Variants in SLC14A2 observed in about 807,000 individuals in gnomAD.
The protein encoded by SLC14A2 is solute carrier family 14 member 2.
SLC14A2 carries 91 observed loss-of-function variants against 104.6 expected under a neutral mutation model. The ratio of observed to expected loss-of-function variants is 0.87; its 90% confidence interval spans 0.73 to 1.04. The LOEUF is 1.04. Among genes scored for constraint, SLC14A2 ranks in the 50% least tolerant of loss-of-function variants. The pLI is 0.00. For synonymous variants in SLC14A2, 476 were observed against 466.4 expected, an observed-to-expected ratio of 1.02 and a Z score of -0.27; for missense variants, 1,189 against 1,156.0, an observed-to-expected ratio of 1.03 and a Z score of -0.41.
At chr18:45,173,249 C>A in the SLC14A2 span, among the ~76,000 whole-genome samples, 1 of 151,946 alleles carries the variant, frequency 6.6e-6, no homozygotes, top group Non-Finnish European at 1.5e-5. Flanking sequence ...ATTCTGTGAT[C>A]AGAAATACAA....
chr18:45,574,753 AAATTCTCAG>A (rs1281257002), intron 2 of SLC14A2, among the ~76,000 whole-genome samples: 1 of 152,232 alleles, frequency 6.6e-6, no homozygotes, highest in Non-Finnish European at 1.5e-5. Flanking sequence ...TTTGAATTTC[AAATTCTCAG>A]AATTCTCAGC....
intron 1 of SLC14A2, among the ~76,000 whole-genome samples, chr18:45,338,328 T>TTA (rs1450210698): frequency 6.6e-6 from 1 of 151,822 alleles, no homozygotes; most frequent in Non-Finnish European, 1.5e-5. Flanking sequence ...AGCCTCCCGA[T>TTA]TAGCTGGGAC....
intron 1 of SLC14A2, among the ~76,000 whole-genome samples, chr18:45,406,162 A>G (rs1598765301): frequency 6.6e-6 from 1 of 152,318 alleles, no homozygotes; most frequent in Middle Eastern, 3.4e-3. Context: ...ATTCTCTAAA[A>G]CCCTGCCACT....
chr18:45,304,202 G>A (rs904363716), intron 1 of SLC14A2, among the ~76,000 whole-genome samples: 1 of 152,112 alleles, frequency 6.6e-6, no homozygotes, highest in Non-Finnish European at 1.5e-5. Flanking sequence ...AGGCAACCGG[G>A]AGTATGCAAA....
intron 1 of SLC14A2, among the ~76,000 whole-genome samples, chr18:45,399,388 C>A (rs1477907527): frequency 6.6e-6 from 1 of 152,164 alleles, no homozygotes; most frequent in Non-Finnish European, 1.5e-5. Flanking sequence ...AGGAATGCAG[C>A]CCTTGAAGCC....
rs187591179 is a variant in SLC14A2, at chr18:45,544,859, C to T, written c.-35+61537C>T. On this transcript the variant is annotated intron_variant, in intron 2 of 20. Transcript: ENST00000586448. ...CCAGGCTGGAGTGCAGTGGCACAAT[C>T]GCGGCTCACTGCAACCTCCGCCCCA... Among the ~76,000 whole-genome samples, 67 of 137,076 alleles carry T rather than the reference C, an allele frequency of 4.9e-4. 1 individual carries two copies. The East Asian group carries it at 0.014, about 30-fold the overall frequency. The allele number at this position is 137,076 out of a possible 152,430, so 89.9% of individuals were successfully genotyped here. A position where few individuals can be genotyped will look rare whatever the true frequency, so the allele number is the denominator to read the frequency against.
At chr18:45,506,431 T>C (rs1397328981) in intron 2 of SLC14A2, among the ~76,000 whole-genome samples, 2 of 151,848 alleles carry the variant, frequency 1.3e-5, no homozygotes, top group Non-Finnish European at 2.9e-5. Context: ...ATCAAAAAAA[T>C]AGTTCTACAC....
At chr18:45,344,771 T>C (rs567023325) in intron 1 of SLC14A2, among the ~76,000 whole-genome samples, 52 of 152,318 alleles carry the variant, frequency 3.4e-4, no homozygotes, top group African/African-American at 7.2e-4. Context: ...GTGGCATTAC[T>C]GCATCCCAAG....
At chr18:45,674,160 G>T (rs550613978) in intron 18 of SLC14A2, among the ~76,000 whole-genome samples, 2 of 152,252 alleles carry the variant, frequency 1.3e-5, no homozygotes, top group East Asian at 3.9e-4. Flanking sequence ...ACTCCTCTTT[G>T]TTATATATTT....
chr18:45,576,353 G>T (rs770602858), intron 2 of SLC14A2, among the ~76,000 whole-genome samples: 1 of 142,658 alleles, frequency 7.0e-6, no homozygotes, highest in South Asian at 2.3e-4. Flanking sequence ...GCGCGATCTC[G>T]GCTCACTGTA....
chr18:45,478,946 C>T (rs2087440482), intron 1 of SLC14A2, among the ~76,000 whole-genome samples: 1 of 152,210 alleles, frequency 6.6e-6, no homozygotes, highest in East Asian at 1.9e-4. Context: ...TACAGGCAGC[C>T]ATTCACCTTA....
At chr18:45,359,939 T>TAAGTGAGTTTG (rs2085594398) in intron 1 of SLC14A2, among the ~76,000 whole-genome samples, 1 of 152,220 alleles carries the variant, frequency 6.6e-6, no homozygotes, top group South Asian at 2.1e-4. Context: ...CAAGTCTCCC[T>TAAGTGAGTTTG]GATTTCCAAA....
chr18:45,682,415 A>G lies in SLC14A2; in HGVS notation c.2659A>G (p.Ser887Gly). ...NNPAIYKLPL[S>G]KVTYPEANRI... is the part of the protein sequence containing the mutation. ...CCCCGCCATCTACAAGCTCCCGCTC[A>G]GCAAAGTCACCTACCCAGAGGCCAA... The change falls in exon 20 of 20, where the codon AGC (serine) becomes GGC (glycine). Residue 887 changes from serine to glycine, a missense_variant. Physicochemically the swap from Ser to Gly is moderately conservative, Grantham distance 56. Coordinates refer to ENST00000255226, the MANE Select transcript of SLC14A2 (RefSeq NM_007163.4). 2 of 1,614,174 alleles carry G rather than the reference A, an allele frequency of 1.2e-6. No homozygotes were observed. The highest frequency in any genetic ancestry group is 1.7e-6 in the Non-Finnish European group (2 of 1,180,006).
At chr18:45,491,664 C>T (rs901764363) in intron 2 of SLC14A2, among the ~76,000 whole-genome samples, 11 of 152,154 alleles carry the variant, frequency 7.2e-5, no homozygotes, top group African/African-American at 2.7e-4. Flanking sequence ...TCACCAGCAG[C>T]CTCACCTTCC....
chr18:45,183,404 G>T, the SLC14A2 span, among the ~76,000 whole-genome samples: 1 of 152,176 alleles, frequency 6.6e-6, no homozygotes, highest in African/African-American at 2.4e-5. Context: ...GAGCCTTGAA[G>T]TGGGATGGAT....
chr18:45,422,189 T>G (rs1299024999), intron 1 of SLC14A2, among the ~76,000 whole-genome samples: 1 of 152,134 alleles, frequency 6.6e-6, no homozygotes, highest in Non-Finnish European at 1.5e-5. Flanking sequence ...AGACTGTCAA[T>G]CTGGCAAGAG....
chr18:45,286,370 G>A (rs913463784), intron 1 of SLC14A2, among the ~76,000 whole-genome samples: 10 of 152,070 alleles, frequency 6.6e-5, no homozygotes, highest in Non-Finnish European at 1.2e-4. Context: ...CACTTTTTAC[G>A]TCCCAGGTCT....
chr18:45,672,979 C>T lies in SLC14A2; in HGVS notation c.2309C>T (p.Ala770Val), dbSNP rs780338834. ...NPWTGGIFLI[A>V]LFISSPLICL... ...TGGACTGGAGGCATCTTCCTCATAG[C>T]TCTGTTCATATCCTCACCTCTCATT... The change falls in exon 17 of 20, where the codon GCT (alanine) becomes GTT (valine). Residue 770 changes from alanine (A) to valine (V), a missense_variant. By Grantham distance (64) the Ala-to-Val change is moderately conservative. Coordinates refer to ENST00000255226, the MANE Select transcript of SLC14A2 (RefSeq NM_007163.4). The T allele has an allele frequency of 6.2e-7, 1 of 1,614,110 alleles. No homozygotes were observed. Among genetic ancestry groups the T allele is most frequent in the Non-Finnish European group, 8.5e-7 (1 of 1,179,980 alleles).
At chr18:45,458,349 GTTC>G (rs141210820) in intron 1 of SLC14A2, among the ~76,000 whole-genome samples, 31,127 of 152,000 alleles carry the variant, frequency 0.2, 3,598 homozygotes, top group Non-Finnish European at 0.27. Context: ...CCATGAAAAT[GTTC>G]TTCTTGGAAC....
Sources: gnomAD v4.1 joint callset for allele counts (sites outside exome capture counted in the v4.1 genomes callset) on GRCh38, gnomAD v4.1.1 for gene constraint, MANE v1.5 for transcripts, NCBI Gene and HGNC (gene_info 2026-07-23, HGNC 2026-07-21) for gene names.